HSF2BP: variants seen among roughly 807,000 people sequenced by gnomAD.
HSF2BP encodes the protein heat shock transcription factor 2 binding protein, also known as heat shock factor 2-binding protein.
In HSF2BP, 35 loss-of-function variants were observed where a neutral mutation model predicts 35.0. That is an observed-to-expected ratio of 1.00 (90% CI 0.76 to 1.32). The LOEUF (loss-of-function observed/expected upper bound fraction) is 1.32. Among genes scored for constraint, HSF2BP ranks in the 40% most tolerant of loss-of-function variants. The pLI is 0.00. For missense variants in HSF2BP, 326 were observed against 321.7 expected (o/e 1.01, Z -0.10); for synonymous variants, 114 against 117.4 (o/e 0.97, Z 0.18).
the HSF2BP span, among the ~76,000 whole-genome samples, chr21:43,505,454 A>G: frequency 8.1e-3 from 715 of 88,332 alleles, 36 homozygotes; most frequent in African/African-American, 0.034. Flanking sequence ...CGCGTGCAGC[A>G]CGCCATGAAG....
rs576522783 is a variant in HSF2BP at position 43,616,735 on chromosome 21, C to T, written c.575-2788G>A. Among the ~76,000 whole-genome samples the T allele has an allele frequency of 1.4e-4, 21 of 152,234 alleles. 1 individual carries two copies. The South Asian group carries it at 4.4e-3, about 32-fold the overall frequency. On this transcript the variant is annotated intron_variant, in intron 6 of 8. Transcript: ENST00000291560. The stretch of plus-strand genomic sequence containing the variant: ...GATCACGCGGTCTGGAGATCAAGAT[C>T]ATCCTGGCTAACATGATGAAACCGT...
intron 7 of HSF2BP, among the ~76,000 whole-genome samples, chr21:43,603,261 G>A (rs1157189792): frequency 6.6e-6 from 1 of 152,254 alleles, no homozygotes; most frequent in East Asian, 1.9e-4. Context: ...CCAGGACAGC[G>A]CTCAGGGCCC....
Position 43,658,209 on chromosome 21 carries a change from G to T in HSF2BP, c.-113C>A. On this transcript the variant is annotated 5_prime_UTR_variant, in exon 2 of 9. In the 5' UTR this introduces an upstream ATG that the reference lacks. Transcript: ENST00000291560. ...GGGGGTCGGGAACGGAGAGCCGCCA[G>T]GCCCAAACCTCCCAGAATTTGCGCA... 1.6e-6 allele frequency: 2 copies of T among 1,241,948 alleles called. No individual in the cohort carries two copies. The highest frequency in any genetic ancestry group is 2.8e-5 in the East Asian group (1 of 36,234). 76.9% of individuals were successfully genotyped at this position (1,241,948 alleles called of 1,614,324 possible). A position where few individuals can be genotyped will look rare whatever the true frequency, so the allele number is the denominator to read the frequency against.
chr21:43,505,749 C>T, the HSF2BP span, among the ~76,000 whole-genome samples: 2 of 108,922 alleles, frequency 1.8e-5, 1 homozygote, highest in Admixed American at 1.8e-4. Flanking sequence ...GCACAGTGGT[C>T]TCCTTACCAT....
intron 7 of HSF2BP, among the ~76,000 whole-genome samples, chr21:43,599,032 T>C (rs562964315): frequency 1.3e-5 from 2 of 152,326 alleles, no homozygotes; most frequent in South Asian, 4.1e-4. Flanking sequence ...GAAACTAAGA[T>C]AAACCAATCT....
chr21:43,625,870 G>A (rs971284550), intron 6 of HSF2BP, among the ~76,000 whole-genome samples: 3 of 152,148 alleles, frequency 2.0e-5, no homozygotes, highest in Admixed American at 6.5e-5. Flanking sequence ...GCAACAGGGC[G>A]GCTTCACTCA....
intron 7 of HSF2BP, among the ~76,000 whole-genome samples, chr21:43,605,101 TCA>T (rs544333009): frequency 5.8e-4 from 68 of 117,538 alleles, no homozygotes; most frequent in Non-Finnish European, 1.0e-3. Context: ...CACACATACA[TCA>T]CACACATCAC....
At chr21:43,571,836 C>T (rs187810047) in intron 8 of HSF2BP, among the ~76,000 whole-genome samples, 1 of 136,110 alleles carries the variant, frequency 7.3e-6, no homozygotes, top group Admixed American at 7.6e-5. Flanking sequence ...AGATCATGGA[C>T]CCTGACCAGA....
At chr21:43,614,996 G>A (rs1008752432) in intron 6 of HSF2BP, among the ~76,000 whole-genome samples, 2 of 152,158 alleles carry the variant, frequency 1.3e-5, no homozygotes, top group African/African-American at 2.4e-5. Flanking sequence ...CCTGCGAATC[G>A]GCCTGAAGAC....
chr21:43,585,961 C>T (rs78115436), intron 8 of HSF2BP, among the ~76,000 whole-genome samples: 2 of 152,226 alleles, frequency 1.3e-5, no homozygotes, highest in Admixed American at 6.5e-5. Flanking sequence ...GGCTAGAGCT[C>T]GGGACAGAGG....
At chr21:43,604,584 ACAC>A (rs2082100540) in intron 7 of HSF2BP, among the ~76,000 whole-genome samples, 1 of 137,596 alleles carries the variant, frequency 7.3e-6, no homozygotes, top group Non-Finnish European at 1.6e-5. Context: ...CAATATACAC[ACAC>A]CACCATACAC....
At position 43,623,412 on chromosome 21, in the gene HSF2BP, C is replaced by T. The variant is rs927199409; in HGVS notation, c.574+6910G>A. Among the ~76,000 whole-genome samples the T allele has an allele frequency of 1.3e-5, 2 of 152,000 alleles. 1 individual carries two copies. Among genetic ancestry groups the T allele is most frequent in the Middle Eastern group, 6.3e-3 (2 of 316 alleles). ...GATGCACCAAGGAAATAGAAAAGAA[C>T]AAACTAAACTCAAAAATACTAGAAG... On this transcript the variant is annotated intron_variant, in intron 6 of 8. Coordinates refer to ENST00000291560, the MANE Select transcript of HSF2BP (RefSeq NM_007031.2).
At chr21:43,467,812 CCA>C in the HSF2BP span, among the ~76,000 whole-genome samples, 11 of 102,332 alleles carry the variant, frequency 1.1e-4, 1 homozygote, top group South Asian at 3.2e-4. Flanking sequence ...ACACAGCACA[CCA>C]CACACACACA....
intron 8 of HSF2BP, among the ~76,000 whole-genome samples, chr21:43,583,838 G>A (rs1241694889): frequency 7.1e-6 from 1 of 140,926 alleles, no homozygotes; most frequent in African/African-American, 2.7e-5. Context: ...GGGAGATGAG[G>A]ACCTGCCGAA....
chr21:43,575,321 GA>G (rs1356672216), intron 8 of HSF2BP, among the ~76,000 whole-genome samples: 1 of 152,156 alleles, frequency 6.6e-6, no homozygotes, highest in Non-Finnish European at 1.5e-5. Context: ...AATTTATTTT[GA>G]AGCCTGCACA....
In HSF2BP at chr21:43,626,408, G is replaced by A. The variant is rs148277770; in HGVS notation, c.574+3914C>T. Among the ~76,000 whole-genome samples the A allele has an allele frequency of 1.7e-3, 260 of 152,246 alleles. 2 individuals are homozygous for A. Among genetic ancestry groups the A allele is most frequent in the Middle Eastern group, 0.014 (4 of 294 alleles). On this transcript the variant is annotated intron_variant, in intron 6 of 8. Transcript: ENST00000291560. The stretch of plus-strand genomic sequence containing the variant: ...AATTAAATAATTCAAACTTAAAGCT[G>A]TTGGGACTTTAAATTATCCCAACCA...
intron 6 of HSF2BP, among the ~76,000 whole-genome samples, chr21:43,618,290 T>C (rs1440778428): frequency 2.0e-5 from 3 of 152,152 alleles, no homozygotes; most frequent in Non-Finnish European, 4.4e-5. Context: ...GTCAATTATT[T>C]GTGCTGAAAA....
At chr21:43,639,723 G>C (rs2082611233) in intron 4 of HSF2BP, among the ~76,000 whole-genome samples, 1 of 152,066 alleles carries the variant, frequency 6.6e-6, no homozygotes, top group Non-Finnish European at 1.5e-5. Flanking sequence ...AAAACAATTT[G>C]GCAATTTCTT....
Position 43,572,597 on chromosome 21 carries a change from G to A in HSF2BP, c.796+19628C>T, listed in dbSNP as rs919750637. 2.6e-5 allele frequency among the ~76,000 whole-genome samples: 4 copies of A among 152,218 alleles called. No homozygotes were observed. The South Asian group carries it at 6.2e-4, about 24-fold the overall frequency. On this transcript the variant is annotated intron_variant, in intron 8 of 8. Transcript: ENST00000291560. ...AACTCCCTAGGGCTTCAGCAGCAACGCCTCCTCTCCAGCTGCTCCCTGGCA... is the reference window on the plus strand; with the variant it reads ...AACTCCCTAGGGCTTCAGCAGCAACACCTCCTCTCCAGCTGCTCCCTGGCA...
Sources: gnomAD v4.1 joint callset for allele counts (sites outside exome capture counted in the v4.1 genomes callset) on GRCh38, gnomAD v4.1.1 for gene constraint, MANE v1.5 for transcripts, NCBI Gene and HGNC (gene_info 2026-07-23, HGNC 2026-07-21) for gene names.